Variants in PPFIA2 observed in about 807,000 individuals in gnomAD.
The protein encoded by PPFIA2 is PPFI scaffold protein A2, also known as liprin-alpha-2.
In PPFIA2, 46 loss-of-function variants were observed where a neutral mutation model predicts 175.5. The ratio of observed to expected loss-of-function variants is 0.26; its 90% CI spans 0.21 to 0.34. The LOEUF (loss-of-function observed/expected upper bound fraction) is 0.34. PPFIA2 is among the 10% of genes least tolerant of loss of function. The pLI, the probability that PPFIA2 is intolerant of heterozygous loss-of-function variation, is 1.00. For missense variants in PPFIA2, 1,179 were observed against 1,506.1 expected, an observed-to-expected ratio of 0.78 and a Z score of 3.60; for synonymous variants, 568 against 511.4, an observed-to-expected ratio of 1.11 and a Z score of -1.49.
At chr12:81,653,943 T>C (rs1204062679) in intron 4 of PPFIA2, among the ~76,000 whole-genome samples, 3 of 152,076 alleles carry the variant, frequency 2.0e-5, no homozygotes, top group East Asian at 3.9e-4. Flanking sequence ...AATATAGATA[T>C]GAGTAAACAT....
chr12:81,501,583 C>T (rs1007855857), intron 4 of PPFIA2, among the ~76,000 whole-genome samples: 16 of 151,910 alleles, frequency 1.1e-4, no homozygotes, highest in South Asian at 4.1e-4. Flanking sequence ...ATTTATCACA[C>T]GACTGAAAAA....
chr12:81,457,580 G>C (rs1249234268), intron 5 of PPFIA2, among the ~76,000 whole-genome samples, 185 bp downstream of exon 5: 13 of 151,974 alleles, frequency 8.6e-5, no homozygotes. Context: ...CTATAATTTA[G>C]GTTTCCTGTC....
intron 4 of PPFIA2, among the ~76,000 whole-genome samples, chr12:81,537,078 C>G (rs1378679402): frequency 6.6e-6 from 1 of 151,114 alleles, no homozygotes; most frequent in Non-Finnish European, 1.5e-5. Flanking sequence ...AGGAGAATTA[C>G]AAAAGAAATG....
At chr12:81,501,545 C>T (rs1416853561) in intron 4 of PPFIA2, among the ~76,000 whole-genome samples, 2 of 151,960 alleles carry the variant, frequency 1.3e-5, no homozygotes, top group African/African-American at 4.8e-5. Context: ...CTTAAAAGTA[C>T]CTGGCACTTA....
At chr12:81,470,113 T>A (rs1474318275) in intron 4 of PPFIA2, among the ~76,000 whole-genome samples, 1 of 152,208 alleles carries the variant, frequency 6.6e-6, no homozygotes, top group African/African-American at 2.4e-5. Flanking sequence ...TTAAGATGTT[T>A]ACACTTCGAG....
chr12:81,420,419 C>T (rs2046034431), intron 7 of PPFIA2, among the ~76,000 whole-genome samples: 1 of 151,540 alleles, frequency 6.6e-6, no homozygotes, highest in East Asian at 1.9e-4. Flanking sequence ...CACAGATACA[C>T]AACTTGAAAA....
intron 4 of PPFIA2, among the ~76,000 whole-genome samples, chr12:81,477,350 T>C (rs2057609416): frequency 6.6e-6 from 1 of 152,212 alleles, no homozygotes; most frequent in Admixed American, 6.5e-5. Context: ...TTTGACAAAG[T>C]TCCTTTGACA....
At chr12:81,433,479 T>C (rs909570092) in intron 7 of PPFIA2, among the ~76,000 whole-genome samples, 2 of 152,254 alleles carry the variant, frequency 1.3e-5, no homozygotes, top group Non-Finnish European at 2.9e-5. Flanking sequence ...GCAAGTTATA[T>C]GAAAATTTAC....
rs1230055083 is a variant in PPFIA2 at position 81,374,660 on chromosome 12, C to T, written c.1240G>A (p.Ala414Thr). 1 of 1,613,018 alleles carries T rather than the reference C, an allele frequency of 6.2e-7. No individual in the cohort carries two copies. Among genetic ancestry groups the T allele is most frequent in the Non-Finnish European group, 8.5e-7 (1 of 1,179,396 alleles). The change falls in exon 11 of 33, where the codon GCT (alanine) becomes ACT (threonine). Residue 414 changes from alanine to threonine, a missense_variant. This residue lies in a region of PPFIA2 where 66 missense variants were observed against 129.4 expected (regional missense o/e 0.51). Coordinates refer to ENST00000549396, the MANE Select transcript of PPFIA2 (RefSeq NM_003625.5). ...ETLPEVEAELAQRIAALTKAE... is the reference protein window; with the variant it reads ...ETLPEVEAELTQRIAALTKAE... ...TTGGTTAGGGCTGCAATTCTCTGAG[C>T]CAGTTCAGCCTCTACTTCAGGCAAG...
intron 22 of PPFIA2, among the ~76,000 whole-genome samples, chr12:81,311,732 CAAAA>C (rs1050904857): frequency 1.0e-3 from 49 of 48,364 alleles, no homozygotes; most frequent in Non-Finnish European, 1.5e-3. Context: ...GACTCTGTCT[CAAAA>C]AAAAAAAAAA....
chr12:81,705,375 G>A (rs1227777617), intron 3 of PPFIA2, among the ~76,000 whole-genome samples: 8 of 149,506 alleles, frequency 5.4e-5, no homozygotes, highest in African/African-American at 1.2e-4. Flanking sequence ...AGAATGGCAT[G>A]AACCTGGGAG....
intron 22 of PPFIA2, among the ~76,000 whole-genome samples, chr12:81,322,002 G>C (rs1168220901): frequency 2.0e-5 from 3 of 152,086 alleles, no homozygotes; most frequent in Non-Finnish European, 4.4e-5. Context: ...TCTGTCTAAT[G>C]TATTTTTATT....
chr12:81,476,852 T>C (rs1442900812), intron 4 of PPFIA2, among the ~76,000 whole-genome samples: 1 of 152,084 alleles, frequency 6.6e-6, no homozygotes, highest in Non-Finnish European at 1.5e-5. Flanking sequence ...ATGTGGTGCA[T>C]AAACACCATG....
chr12:81,547,655 G>C (rs761282703), intron 4 of PPFIA2, among the ~76,000 whole-genome samples: 1 of 151,452 alleles, frequency 6.6e-6, no homozygotes, highest in Non-Finnish European at 1.5e-5. Flanking sequence ...AAGTAACAAA[G>C]AGTTAGAGAA....
intron 6 of PPFIA2, among the ~76,000 whole-genome samples, chr12:81,442,539 A>T (rs1213930144): frequency 6.6e-6 from 1 of 151,700 alleles, no homozygotes; most frequent in Non-Finnish European, 1.5e-5. Context: ...ATAGTCAATG[A>T]TTTCTGAGTA....
intron 7 of PPFIA2, among the ~76,000 whole-genome samples, chr12:81,422,133 T>C (rs2046374100): frequency 1.4e-5 from 1 of 70,828 alleles, no homozygotes; most frequent in Non-Finnish European, 2.4e-5. Context: ...TGTGTGTATA[T>C]ATATGTGTAT....
intron 8 of PPFIA2, among the ~76,000 whole-genome samples, chr12:81,397,111 C>T (rs1444056891): frequency 6.6e-6 from 1 of 151,808 alleles, no homozygotes; most frequent in African/African-American, 2.4e-5. Flanking sequence ...TGGAGATGTT[C>T]GATTGTGGCT....
chr12:81,468,749 A>C (rs944716457), intron 4 of PPFIA2, among the ~76,000 whole-genome samples: 3 of 152,220 alleles, frequency 2.0e-5, no homozygotes, highest in Non-Finnish European at 4.4e-5. Context: ...GGGTGCTATA[A>C]AAGTTGTAAA....
chr12:81,663,441 T>G (rs1290933566), intron 4 of PPFIA2, among the ~76,000 whole-genome samples: 1 of 152,184 alleles, frequency 6.6e-6, no homozygotes, highest in Admixed American at 6.5e-5. Flanking sequence ...CATTCACAAT[T>G]GCTTCAAAGA....
Sources: allele counts gnomAD v4.1 joint callset (sites outside exome capture counted in the v4.1 genomes callset), GRCh38; gene constraint gnomAD v4.1.1; regional missense constraint gnomAD v4.1.1; transcripts MANE v1.5; gene names NCBI Gene and HGNC (gene_info 2026-07-23, HGNC 2026-07-21).